NR1H4: variants seen among roughly 807,000 people sequenced by gnomAD.
NR1H4 encodes nuclear receptor subfamily 1 group H member 4, also known as bile acid receptor.
NR1H4 carries 23 observed loss-of-function variants against 58.5 expected under a neutral mutation model. The ratio of observed to expected loss-of-function variants is 0.39; its 90% CI spans 0.28 to 0.56. The LOEUF (loss-of-function observed/expected upper bound fraction) is 0.56. Among genes scored for constraint, NR1H4 ranks in the 20% least tolerant of loss-of-function variants. The pLI, the probability that NR1H4 is intolerant of heterozygous loss-of-function variation, is 0.58. For missense variants in NR1H4, 487 were observed against 576.9 expected (o/e 0.84, Z 1.60); for synonymous variants, 214 against 198.0 (o/e 1.08, Z -0.68).
rs1468271778 is a variant in NR1H4 at position 100,545,485 on chromosome 12, T to TA, written c.1078+4674dup. On this transcript the variant is annotated intron_variant, in intron 9 of 10. Transcript: ENST00000392986. ...CGAGACTCCATCTTTACAAAAAAGT[T>TA]AAAAAAATTAGCTGGGCATGGTGGC... Among the ~76,000 whole-genome samples the TA allele has an allele frequency of 6.6e-5, 10 of 150,854 alleles. No homozygotes were observed. The South Asian group carries it at 1.7e-3, about 25-fold the overall frequency.
At chr12:100,540,904 A>T (rs985849877) in intron 9 of NR1H4, 86 bp downstream of exon 9, 11 of 1,275,738 alleles carry the variant, frequency 8.6e-6, no homozygotes, top group Non-Finnish European at 1.3e-5. Context: ...TGCCAATCTT[A>T]TGCAATGTTA....
intron 4 of NR1H4, among the ~76,000 whole-genome samples, chr12:100,514,896 A>AATTACAT (rs1180501388): frequency 6.6e-6 from 1 of 152,130 alleles, no homozygotes; most frequent in African/African-American, 2.4e-5. Context: ...AAATTTACAA[A>AATTACAT]ATTACATACA....
At chr12:100,540,536 C>CA in intron 8 of NR1H4, 136 bp from the exon 9 acceptor site, 1 of 894,102 alleles carries the variant, frequency 1.1e-6, no homozygotes. Flanking sequence ...TTGGCGAGTA[C>CA]AAATGGACTC....
At chr12:100,543,574 T>C (rs145399880) in intron 9 of NR1H4, among the ~76,000 whole-genome samples, 1 of 152,054 alleles carries the variant, frequency 6.6e-6, no homozygotes, top group African/African-American at 2.4e-5. Flanking sequence ...TGTGTGTGTG[T>C]GTGTGTGTGT....
chr12:100,534,830 G>A, intron 5 of NR1H4, 60 bp from the exon 6 acceptor site: 1 of 1,602,262 alleles, frequency 6.2e-7, no homozygotes, highest in Non-Finnish European at 8.5e-7. Flanking sequence ...GTGGTTTTAT[G>A]ACCACACACC....
At chr12:100,521,137 A>G (rs1954405821) in intron 4 of NR1H4, among the ~76,000 whole-genome samples, 1 of 151,938 alleles carries the variant, frequency 6.6e-6, no homozygotes, top group Admixed American at 6.6e-5. Context: ...AAAAAAAAAA[A>G]GCAACCTTAG....
At chr12:100,560,978 T>G (rs1007520612) in intron 9 of NR1H4, among the ~76,000 whole-genome samples, 1 of 151,208 alleles carries the variant, frequency 6.6e-6, no homozygotes, top group Non-Finnish European at 1.5e-5. Flanking sequence ...TGGAGAAACG[T>G]GGGGGAGCTT....
intron 4 of NR1H4, among the ~76,000 whole-genome samples, chr12:100,522,465 A>G (rs1435038922): frequency 6.6e-6 from 1 of 152,062 alleles, no homozygotes; most frequent in African/African-American, 2.4e-5. Context: ...TACTATTATC[A>G]TTGGGTTGTT....
At chr12:100,544,717 G>A (rs1206541791) in intron 9 of NR1H4, among the ~76,000 whole-genome samples, 1 of 152,064 alleles carries the variant, frequency 6.6e-6, no homozygotes, top group Non-Finnish European at 1.5e-5. Flanking sequence ...AGGTTTGTCC[G>A]GAGCTATAAA....
chr12:100,536,990 A>T lies in NR1H4; in HGVS notation c.874A>T (p.Thr292Ser). 2 of 1,603,434 alleles carry T rather than the reference A, an allele frequency of 1.2e-6. No individual in the cohort carries two copies. Among genetic ancestry groups the T allele is most frequent in the Non-Finnish European group, 1.7e-6 (2 of 1,176,344 alleles). The change falls in exon 8 of 11, where the codon ACG becomes TCG. Residue 292 changes from threonine (T) to serine (S), a missense_variant. By Grantham distance (58) the Thr-to-Ser change is moderately conservative. Transcript: ENST00000392986. ...TGCAGAAGAAAATTTTCTCATTTTG[A>T]CGGAAATGGCAACCAATCATGTACA... ...FSAEENFLIL[T>S]EMATNHVQVL...
rs1955516556 is a variant in NR1H4, at chr12:100,563,340, C to G, written c.1282C>G (p.Pro428Ala). The G allele has an allele frequency of 6.2e-7, 1 of 1,614,088 alleles. No individual in the cohort carries two copies. Among genetic ancestry groups the G allele is most frequent in the Non-Finnish European group, 8.5e-7 (1 of 1,180,024 alleles). ...ACAAAAGTTGTGTAAGATTCACCAG[C>G]CTGAAAATCCTCAACACTTTGCCTG... ...VLQKLCKIHQ[P>A]ENPQHFACLL... The change falls in exon 11 of 11, where the codon CCT becomes GCT. Residue 428 changes from proline (P) to alanine (A), a missense_variant. Physicochemically the swap from Pro to Ala is conservative, Grantham distance 27 (BLOSUM62 -1). Coordinates refer to ENST00000392986, the MANE Select transcript of NR1H4 (RefSeq NM_001206979.2).
At chr12:100,558,236 G>A (rs1455620664) in intron 9 of NR1H4, among the ~76,000 whole-genome samples, 22 of 150,182 alleles carry the variant, frequency 1.5e-4, no homozygotes, top group South Asian at 2.1e-4. Context: ...AGCCAGGTGT[G>A]GTGGCACACA....
intron 9 of NR1H4, among the ~76,000 whole-genome samples, chr12:100,561,407 A>T (rs754545804): frequency 1.4e-5 from 2 of 147,814 alleles, no homozygotes; most frequent in Non-Finnish European, 1.5e-5. Flanking sequence ...CAAAAAAAAT[A>T]AAATAAATAA....
At chr12:100,550,403 C>T (rs754608190) in intron 9 of NR1H4, among the ~76,000 whole-genome samples, 7 of 152,064 alleles carry the variant, frequency 4.6e-5, no homozygotes, top group Non-Finnish European at 8.8e-5. Flanking sequence ...TCATTCTTAT[C>T]GTCCAGGCTA....
At chr12:100,523,091 G>A (rs994132035) in intron 4 of NR1H4, among the ~76,000 whole-genome samples, 7 of 151,992 alleles carry the variant, frequency 4.6e-5, no homozygotes, top group South Asian at 2.1e-4. Context: ...TTGCTGGATC[G>A]AATGGTAGAT....
At chr12:100,488,006 CTTTCT>C (rs1449911034) in intron 1 of NR1H4, among the ~76,000 whole-genome samples, 1 of 148,316 alleles carries the variant, frequency 6.7e-6, no homozygotes, top group African/African-American at 2.6e-5. Context: ...GTTTTCCTTT[CTTTCT>C]TTTCTTTTTG....
At chr12:100,486,121 G>T (rs1199220531) in intron 1 of NR1H4, among the ~76,000 whole-genome samples, 1 of 152,122 alleles carries the variant, frequency 6.6e-6, no homozygotes, top group Non-Finnish European at 1.5e-5. Context: ...GGGTGGTAGT[G>T]TCAGGAGGAG....
intron 4 of NR1H4, among the ~76,000 whole-genome samples, chr12:100,512,885 A>G (rs190489872): frequency 6.6e-5 from 10 of 152,348 alleles, no homozygotes; most frequent in African/African-American, 2.4e-4. Flanking sequence ...CAGAGGACCC[A>G]GTCACATAAG....
chr12:100,487,595 C>CTTTTTTTTT (rs34694873), intron 1 of NR1H4, among the ~76,000 whole-genome samples: 3 of 115,982 alleles, frequency 2.6e-5, no homozygotes, highest in Admixed American at 1.1e-4. Flanking sequence ...TCTTCTTCTT[C>CTTTTTTTTT]TTTTTTTTTT....
Sources: allele counts gnomAD v4.1 joint callset (sites outside exome capture counted in the v4.1 genomes callset), GRCh38; gene constraint gnomAD v4.1.1; transcripts MANE v1.5; gene names NCBI Gene and HGNC (gene_info 2026-07-23, HGNC 2026-07-21).